Variants in PARN observed in about 807,000 individuals in gnomAD.
PARN encodes the protein poly(A)-specific ribonuclease.
A neutral mutation model predicts 102.8 loss-of-function variants in PARN; 71 were observed. The observed-to-expected ratio is 0.69, with a 90% CI of 0.57 to 0.84. The LOEUF (loss-of-function observed/expected upper bound fraction) is 0.84, where lower values mean the gene tolerates loss of function less well. Among genes scored for constraint, PARN ranks in the 40% least tolerant of loss-of-function variants. PARN has a pLI of 0.00. For missense variants in PARN, 782 were observed against 760.9 expected (o/e 1.03, Z -0.33); for synonymous variants, 261 against 252.9 (o/e 1.03, Z -0.30).
intron 16 of PARN, 101 bp downstream of exon 16, chr16:14,584,246 A>T (rs533375951): frequency 1.0e-5 from 8 of 786,170 alleles, no homozygotes; most frequent in African/African-American, 1.7e-5. Flanking sequence ...AAAATCTATA[A>T]ATGAACAATA....
intron 11 of PARN, chr16:14,602,105 G>C (rs1567436840): frequency 6.6e-6 from 1 of 151,030 alleles, no homozygotes; most frequent in Non-Finnish European, 1.5e-5. Flanking sequence ...TAATTTTTTT[G>C]CACTTTTAGT....
intron 13 of PARN, among the ~76,000 whole-genome samples, chr16:14,591,653 A>C (rs1333286236): frequency 1.3e-5 from 2 of 152,182 alleles, no homozygotes; most frequent in Non-Finnish European, 2.9e-5. Context: ...CGTTCATTTT[A>C]AAGGATGGGC....
At chr16:14,591,245 G>T (rs1007756076) in intron 13 of PARN, among the ~76,000 whole-genome samples, 2 of 152,030 alleles carry the variant, frequency 1.3e-5, no homozygotes, top group Non-Finnish European at 2.9e-5. Context: ...AAAAAAATTA[G>T]CAGGGCGTGG....
chr16:14,524,634 G>A (rs1965902883), intron 21 of PARN, among the ~76,000 whole-genome samples: 1 of 152,122 alleles, frequency 6.6e-6, no homozygotes, highest in Non-Finnish European at 1.5e-5. Flanking sequence ...TGTTACTGAA[G>A]ATATTTTATC....
chr16:14,593,449 T>G, intron 12 of PARN, 71 bp from the exon 13 acceptor site: 1 of 559,510 alleles, frequency 1.8e-6, no homozygotes, highest in East Asian at 3.6e-5. Flanking sequence ...AATGTATAGT[T>G]CAGATTCCAA....
chr16:14,512,876 A>C (rs868365134), intron 21 of PARN, among the ~76,000 whole-genome samples: 7 of 152,176 alleles, frequency 4.6e-5, no homozygotes, highest in Non-Finnish European at 8.8e-5. Flanking sequence ...TTTATTTTTT[A>C]ATCTTACAGC....
intron 9 of PARN, among the ~76,000 whole-genome samples, chr16:14,607,027 C>T (rs949965372): frequency 6.6e-5 from 10 of 151,982 alleles, no homozygotes; most frequent in African/African-American, 2.4e-4. Flanking sequence ...GTGATCCTCC[C>T]GCCTGGGCCT....
intron 21 of PARN, among the ~76,000 whole-genome samples, chr16:14,490,063 C>G (rs551188371): frequency 1.0e-3 from 153 of 152,232 alleles, no homozygotes; most frequent in African/African-American, 3.4e-3. Flanking sequence ...AGGGGTGAGG[C>G]TGGAGGATTG....
At chr16:14,598,100 C>T (rs999812099) in intron 12 of PARN, among the ~76,000 whole-genome samples, 9 of 151,976 alleles carry the variant, frequency 5.9e-5, no homozygotes, top group Non-Finnish European at 1.0e-4. Context: ...GCCAGGATTG[C>T]GCCACTGCAC....
intron 21 of PARN, among the ~76,000 whole-genome samples, chr16:14,528,535 A>AC (rs1297194685): frequency 6.6e-6 from 1 of 152,222 alleles, no homozygotes; most frequent in African/African-American, 2.4e-5. Context: ...TCACACTCAC[A>AC]CAGTCTCCAT....
chr16:14,485,777 T>A (rs1443495460), intron 21 of PARN, among the ~76,000 whole-genome samples: 1 of 152,262 alleles, frequency 6.6e-6, no homozygotes, highest in East Asian at 1.9e-4. Flanking sequence ...AACCTCCGCC[T>A]CCCGGGTTCA....
chr16:14,623,698 G>A (rs887701437), intron 5 of PARN, among the ~76,000 whole-genome samples: 4 of 151,584 alleles, frequency 2.6e-5, no homozygotes, highest in Admixed American at 6.6e-5. Flanking sequence ...TTAGCAGGGC[G>A]TGGTGGCAGG....
At chr16:14,515,570 G>A (rs535399841) in intron 21 of PARN, among the ~76,000 whole-genome samples, 10 of 151,952 alleles carry the variant, frequency 6.6e-5, no homozygotes, top group African/African-American at 1.7e-4. Flanking sequence ...AGAAGGACAC[G>A]CCTAAAAAAG....
chr16:14,508,001 A>C (rs1596538164), intron 21 of PARN, among the ~76,000 whole-genome samples: 2 of 152,234 alleles, frequency 1.3e-5, no homozygotes, highest in Admixed American at 1.3e-4. Flanking sequence ...TACATAAAAT[A>C]ATGAAAATGA....
rs1194089098 is a variant in PARN at position 14,447,001 on chromosome 16, CCT to C, written c.1749_1750del (p.Glu585AspfsTer5). The C allele has an allele frequency of 3.5e-5, 56 of 1,613,194 alleles. No homozygotes were observed. Among genetic ancestry groups the C allele is most frequent in the Non-Finnish European group, 4.6e-5 (54 of 1,179,326 alleles). ...CTCAAGCTCAGTGTCGGAAATCTCC[CCT>C]GACACTCCGTCCTCCAGGCCAGCTT... On this transcript the variant is annotated frameshift_variant, in exon 23 of 24. Transcript: ENST00000437198. LOFTEE classifies it high-confidence loss of function.
At chr16:14,451,282 T>C (rs1961433205) in intron 22 of PARN, among the ~76,000 whole-genome samples, 1 of 152,232 alleles carries the variant, frequency 6.6e-6, no homozygotes, top group Admixed American at 6.5e-5. Flanking sequence ...TCCCAATCCC[T>C]GTTTACTGTT....
At chr16:14,450,917 A>G (rs1286566718) in intron 22 of PARN, among the ~76,000 whole-genome samples, 1 of 152,154 alleles carries the variant, frequency 6.6e-6, no homozygotes, top group East Asian at 1.9e-4. Context: ...TGAAAAAAAA[A>G]ATAGCAATCC....
chr16:14,451,667 G>C (rs1442386962), intron 22 of PARN, among the ~76,000 whole-genome samples: 2 of 151,588 alleles, frequency 1.3e-5, no homozygotes, highest in African/African-American at 4.8e-5. Context: ...GGAATTTTCT[G>C]GGGTAACGTT....
intron 13 of PARN, among the ~76,000 whole-genome samples, chr16:14,592,997 G>A (rs552698722): frequency 1.3e-5 from 2 of 152,034 alleles, no homozygotes; most frequent in African/African-American, 2.4e-5. Context: ...GTAGCTGGGC[G>A]TGGTGACGGG....
Sources: gnomAD v4.1 joint callset for allele counts (sites outside exome capture counted in the v4.1 genomes callset) on GRCh38, gnomAD v4.1.1 for gene constraint, MANE v1.5 for transcripts, NCBI Gene and HGNC (gene_info 2026-07-23, HGNC 2026-07-21) for gene names.